ZFHX3: variants seen among roughly 807,000 people sequenced by gnomAD.
ZFHX3 encodes zinc finger homeobox protein 3.
In ZFHX3, 42 loss-of-function variants were observed where a neutral mutation model predicts 279.1. The ratio of observed to expected loss-of-function variants is 0.15; its 90% CI spans 0.12 to 0.19. The LOEUF is 0.19. Among genes scored for constraint, ZFHX3 ranks in the 10% least tolerant of loss-of-function variants. ZFHX3 has a pLI of 1.00. For synonymous variants in ZFHX3, 2,293 were observed against 1,957.8 expected, an observed-to-expected ratio of 1.17 and a Z score of -4.52; for missense variants, 4,981 against 4,754.0, an observed-to-expected ratio of 1.05 and a Z score of -1.40.
chr16:73,491,342 G>A (rs1597356379), intron 2 of ZFHX3, among the ~76,000 whole-genome samples: 1 of 152,158 alleles, frequency 6.6e-6, no homozygotes, highest in African/African-American at 2.4e-5. Flanking sequence ...TCCATTGACT[G>A]GAATTGGTCA....
At position 72,811,739 on chromosome 16, in the gene ZFHX3, A is replaced by G. The variant is rs374709410; in HGVS notation, c.3702T>C (p.Asp1234=). The G allele has an allele frequency of 3.7e-6, 6 of 1,613,986 alleles. No homozygotes were observed. Among genetic ancestry groups the G allele is most frequent in the Admixed American group, 3.3e-5 (2 of 60,000 alleles). The change falls in exon 7 of 10, where the codon GAT becomes GAC. Residue 1234 remains aspartate, a synonymous_variant. Coordinates refer to ENST00000268489, the MANE Select transcript of ZFHX3 (RefSeq NM_006885.4). The part of the protein sequence containing the change: ...QCPYCKYSNA[D]VNRLRVHAMT... ...TGGCATGCACCCGGAGCCGGTTGAC[A>G]TCGGCATTACTGTACTTGCAGTAGG... is the stretch of plus-strand genomic sequence containing the variant.
chr16:73,207,461 C>A (rs765425099), intron 5 of ZFHX3, among the ~76,000 whole-genome samples: 3 of 152,106 alleles, frequency 2.0e-5, no homozygotes, highest in Non-Finnish European at 2.9e-5. Flanking sequence ...TTAACAGTGA[C>A]CAGTTGGTTC....
At chr16:73,425,070 T>C (rs936017237) in intron 3 of ZFHX3, among the ~76,000 whole-genome samples, 2 of 152,174 alleles carry the variant, frequency 1.3e-5, no homozygotes, top group Admixed American at 1.3e-4. Flanking sequence ...TTTCCTGCCC[T>C]CTCTGCCCTG....
intron 4 of ZFHX3, among the ~76,000 whole-genome samples, chr16:73,258,687 T>C (rs2013732581): frequency 6.6e-6 from 1 of 152,182 alleles, no homozygotes; most frequent in Non-Finnish European, 1.5e-5. Flanking sequence ...GTACAGAGAA[T>C]AACCTAATAA....
chr16:73,719,135 G>A (rs971240545), intron 1 of ZFHX3, among the ~76,000 whole-genome samples: 3 of 152,132 alleles, frequency 2.0e-5, no homozygotes, highest in South Asian at 2.1e-4. Context: ...TGGTCACTTT[G>A]AACTTTCACT....
chr16:73,021,222 C>A (rs577291310), intron 1 of ZFHX3, among the ~76,000 whole-genome samples: 3 of 152,176 alleles, frequency 2.0e-5, no homozygotes, highest in African/African-American at 4.8e-5. Context: ...CGAGGAAAGA[C>A]AATCGAGGAA....
chr16:73,526,037 G>A (rs2019686262), intron 2 of ZFHX3, among the ~76,000 whole-genome samples: 1 of 152,182 alleles, frequency 6.6e-6, no homozygotes, highest in Non-Finnish European at 1.5e-5. Flanking sequence ...GACGGGGAAG[G>A]AAATAACATA....
At chr16:73,857,338 C>T (rs1488319585) in intron 1 of ZFHX3, among the ~76,000 whole-genome samples, 1 of 152,090 alleles carries the variant, frequency 6.6e-6, no homozygotes, top group Non-Finnish European at 1.5e-5. Flanking sequence ...GTAAAGATGG[C>T]ATCTAAATGC....
At chr16:72,879,295 C>A (rs1342158141) in intron 4 of ZFHX3, among the ~76,000 whole-genome samples, 2 of 152,200 alleles carry the variant, frequency 1.3e-5, no homozygotes, top group African/African-American at 2.4e-5. Context: ...GAATTCTATA[C>A]CCTAATGGGT....
At chr16:72,819,583 G>C (rs2266942) in intron 5 of ZFHX3, among the ~76,000 whole-genome samples, 5,888 of 152,286 alleles carry the variant, frequency 0.039, 637 homozygotes, top group East Asian at 0.29. Flanking sequence ...ACAGTGGTCA[G>C]AGCCAAGGCT....
chr16:73,786,712 C>A (rs984780088), intron 1 of ZFHX3, among the ~76,000 whole-genome samples: 3 of 152,292 alleles, frequency 2.0e-5, no homozygotes, highest in Admixed American at 2.0e-4. Context: ...CAAGTCAGAG[C>A]CTGTTCAGCC....
intron 1 of ZFHX3, chr16:73,015,712 C>T (rs1263495280): frequency 1.3e-5 from 2 of 152,224 alleles, no homozygotes; most frequent in African/African-American, 4.8e-5. Context: ...CCCGTGCACG[C>T]TGGGCTCCTG....
chr16:73,274,161 A>G (rs2014231255), intron 4 of ZFHX3, among the ~76,000 whole-genome samples: 1 of 152,174 alleles, frequency 6.6e-6, no homozygotes, highest in Non-Finnish European at 1.5e-5. Flanking sequence ...AAAAAGTGTA[A>G]TAGTTATTAC....
At chr16:72,954,578 G>A (rs1961156373) in intron 2 of ZFHX3, among the ~76,000 whole-genome samples, 1 of 152,154 alleles carries the variant, frequency 6.6e-6, no homozygotes, top group Non-Finnish European at 1.5e-5. Flanking sequence ...GGAGACGAAG[G>A]GAGCTGCTAA....
chr16:73,873,426 T>C (rs1229697498), intron 1 of ZFHX3, among the ~76,000 whole-genome samples: 1 of 150,682 alleles, frequency 6.6e-6, no homozygotes, highest in South Asian at 2.1e-4. Context: ...AAAACACAAA[T>C]AGAGAAAATC....
chr16:73,551,783 G>C (rs576391312), intron 2 of ZFHX3, among the ~76,000 whole-genome samples: 1 of 152,330 alleles, frequency 6.6e-6, no homozygotes, highest in East Asian at 1.9e-4. Context: ...CCTGAAGCTT[G>C]AAAGTAAGAC....
chr16:73,417,821 T>G (rs981707719), intron 3 of ZFHX3, among the ~76,000 whole-genome samples: 3 of 149,262 alleles, frequency 2.0e-5, no homozygotes, highest in Non-Finnish European at 4.4e-5. Flanking sequence ...AAATAAAAAA[T>G]AAATAAAAAA....
Position 72,970,395 on chromosome 16 carries a change from C to A in ZFHX3, c.-49-10201G>T, listed in dbSNP as rs142968139. Among the ~76,000 whole-genome samples the A allele has an allele frequency of 8.5e-5, 13 of 152,210 alleles. No homozygotes were observed. The East Asian group carries it at 2.5e-3, about 29-fold the overall frequency. On this transcript the variant is annotated intron_variant, in intron 1 of 9. Transcript: ENST00000268489. Reference sequence around the variant, plus strand: ...AGTAACTGTATCTCACACTTGAGTACGTAAGTCTCTACCCTGAGTCACGTG... The same window carrying A: ...AGTAACTGTATCTCACACTTGAGTAAGTAAGTCTCTACCCTGAGTCACGTG...
rs2035553052 is a variant in ZFHX3, at chr16:72,788,459, A to AGATCGTGGCTGC, written c.9805_9816dup (p.Ala3269_Ile3272dup). ...TACTCCATGGTGGGCAGCGGGGCTG[A>AGATCGTGGCTGC]GATCGTGGCTGCAGTTGCCGTGGGG... On this transcript the variant is annotated inframe_insertion, in exon 10 of 10. Coordinates refer to ENST00000268489, the MANE Select transcript of ZFHX3 (RefSeq NM_006885.4). 2 of 1,614,064 alleles carry AGATCGTGGCTGC rather than the reference A, an allele frequency of 1.2e-6. No homozygotes were observed. Among genetic ancestry groups the AGATCGTGGCTGC allele is most frequent in the Admixed American group, 1.7e-5 (1 of 60,006 alleles).
Sources: allele counts gnomAD v4.1 joint callset (sites outside exome capture counted in the v4.1 genomes callset), GRCh38; gene constraint gnomAD v4.1.1; transcripts MANE v1.5; gene names NCBI Gene and HGNC (gene_info 2026-07-23, HGNC 2026-07-21).